PRMT7: variants seen among roughly 807,000 people sequenced by gnomAD.
PRMT7 encodes protein arginine methyltransferase 7, also known as protein arginine N-methyltransferase 7.
In PRMT7, 75 loss-of-function variants were observed where a neutral mutation model predicts 85.4. The ratio of observed to expected loss-of-function variants is 0.88; its 90% confidence interval spans 0.73 to 1.06. The LOEUF (loss-of-function observed/expected upper bound fraction) is 1.06, where lower values mean the gene tolerates loss of function less well. Ranked by LOEUF, PRMT7 falls within the 50% of genes least tolerant of loss-of-function variation. PRMT7 has a pLI of 0.00. For synonymous variants in PRMT7, 397 were observed against 359.5 expected (o/e 1.10, Z -1.18); for missense variants, 868 against 915.2 (o/e 0.95, Z 0.67).
intron 14 of PRMT7, among the ~76,000 whole-genome samples, chr16:68,350,194 C>T (rs144550504): frequency 1.5e-3 from 222 of 152,282 alleles, no homozygotes; most frequent in Admixed American, 4.9e-3. Flanking sequence ...GGATTGTGTC[C>T]AGTTTTTGGC....
rs746941057 is a variant in PRMT7, at chr16:68,355,749, G to A, written c.1677G>A (p.Arg559=). 27 of 1,607,618 alleles carry A rather than the reference G, an allele frequency of 1.7e-5. No individual in the cohort carries two copies. The highest frequency in any genetic ancestry group is 2.0e-5 in the Non-Finnish European group (24 of 1,176,666). The change falls in exon 17 of 19, where the codon AGG becomes AGA. Residue 559 remains arginine, a synonymous_variant. Coordinates refer to ENST00000441236, the MANE Select transcript of PRMT7 (RefSeq NM_019023.5). ...IKRALDFRES[R]EAEPHPLWEY... is the part of the protein sequence containing the mutation. ...GTGCCCTGGACTTCAGGGAGAGCAGGGAAGCTGAGCCCCACCCGCTGTGGG... is the reference window on the plus strand; with the variant it reads ...GTGCCCTGGACTTCAGGGAGAGCAGAGAAGCTGAGCCCCACCCGCTGTGGG...
At chr16:68,311,724 G>A (rs2151270287) in intron 1 of PRMT7, 1 of 152,114 alleles carries the variant, frequency 6.6e-6, no homozygotes, top group Non-Finnish European at 1.5e-5. Flanking sequence ...CTACCTTAGG[G>A]CCTTTTCTTG....
intron 7 of PRMT7, 52 bp from the exon 8 acceptor site, chr16:68,339,270 G>A: frequency 6.2e-7 from 1 of 1,605,596 alleles, no homozygotes; most frequent in Non-Finnish European, 8.5e-7. Flanking sequence ...GGGAATTACT[G>A]TGGGTCTAAG....
In PRMT7 at chr16:68,324,774, CG is replaced by C. The variant is rs1567654073; in HGVS notation, c.227del (p.Gly76AspfsTer5). 1.2e-6 allele frequency: 2 copies of C among 1,614,034 alleles called. No individual in the cohort carries two copies. Among genetic ancestry groups the C allele is most frequent in the Non-Finnish European group, 1.7e-6 (2 of 1,179,984 alleles). ...TTGGTTCTCGACATTGGCACTGGCA[CG>C]GGACTCTTGTCAATGATGGCGGTCA... Reference protein sequence around the residue: ...KALVLDIGTGTGLLSMMAVTA... With the variant: ...KALVLDIGTGXGLLSMMAVTA... On this transcript the variant is annotated frameshift_variant, in exon 5 of 19. Transcript: ENST00000441236. LOFTEE classifies it high-confidence loss of function.
At chr16:68,318,489 G>A (rs1172650664) in intron 3 of PRMT7, among the ~76,000 whole-genome samples, 1 of 152,164 alleles carries the variant, frequency 6.6e-6, no homozygotes, top group Non-Finnish European at 1.5e-5. Flanking sequence ...GTGAGCCACT[G>A]CACCTGCCCA....
rs539593221 is a variant in PRMT7, at chr16:68,358,465, A to T, written c.*1241A>T. Reference sequence around the variant, plus strand: ...TCTTCTAGGGAAGAACCGTCTGGATATATATTTGATAATGTTTTTACCAAA... The same window carrying T: ...TCTTCTAGGGAAGAACCGTCTGGATTTATATTTGATAATGTTTTTACCAAA... On this transcript the variant is annotated 3_prime_UTR_variant, in exon 19 of 19. Coordinates refer to ENST00000441236, the MANE Select transcript of PRMT7 (RefSeq NM_019023.5). The T allele has an allele frequency of 3.3e-5, 5 of 152,694 alleles. No individual in the cohort carries two copies. Among genetic ancestry groups the T allele is most frequent in the Non-Finnish European group, 7.3e-5 (5 of 68,040 alleles). The allele number at this position is 152,694 out of a possible 1,614,324, so 9.5% of individuals were successfully genotyped here. A position where few individuals can be genotyped will look rare whatever the true frequency, so the allele number is the denominator to read the frequency against.
chr16:68,353,477 G>C lies in PRMT7; in HGVS notation c.1576-15G>C, dbSNP rs762821454. The C allele has an allele frequency of 9.9e-6, 16 of 1,609,676 alleles. No individual in the cohort carries two copies. The highest frequency in any genetic ancestry group is 2.7e-5 in the African/African-American group (2 of 74,720). On this transcript the variant is annotated splice_polypyrimidine_tract_variant and intron_variant, in intron 15 of 18. Transcript: ENST00000441236. Reference sequence around the variant, plus strand: ...CTGGCGGGCGGGTGTGGACGGGGCTGCTCCTTCCTCACAGGACCTGTGGCG... The same window carrying C: ...CTGGCGGGCGGGTGTGGACGGGGCTCCTCCTTCCTCACAGGACCTGTGGCG...
chr16:68,336,546 A>G (rs937967209), intron 6 of PRMT7, among the ~76,000 whole-genome samples: 10 of 152,214 alleles, frequency 6.6e-5, no homozygotes, highest in Non-Finnish European at 7.3e-5. Flanking sequence ...CCTGCAACCT[A>G]GAAGTATTTG....
chr16:68,322,370 GTA>G (rs1567646698), intron 4 of PRMT7: 1 of 447,726 alleles, frequency 2.2e-6, no homozygotes, highest in South Asian at 1.6e-5. Flanking sequence ...GCTAATTTTT[GTA>G]TGTTTTGTAG....
At chr16:68,338,276 T>C (rs990624305) in intron 7 of PRMT7, among the ~76,000 whole-genome samples, 1 of 151,628 alleles carries the variant, frequency 6.6e-6, no homozygotes, top group Admixed American at 6.6e-5. Context: ...GTCCCAGGAG[T>C]TGGTGGTCCC....
chr16:68,338,914 C>T (rs1242777421), intron 7 of PRMT7, among the ~76,000 whole-genome samples: 2 of 152,130 alleles, frequency 1.3e-5, no homozygotes, highest in African/African-American at 2.4e-5. Context: ...TGCCCAGCGG[C>T]GCTAGAGGGC....
intron 4 of PRMT7, among the ~76,000 whole-genome samples, chr16:68,322,120 T>C (rs1304239887): frequency 6.6e-6 from 1 of 152,180 alleles, no homozygotes; most frequent in Non-Finnish European, 1.5e-5. Context: ...ATTATTATAC[T>C]ATTATACCTA....
chr16:68,357,143 G>T lies in PRMT7; in HGVS notation c.1998G>T (p.Arg666=), dbSNP rs367813491. 6.2e-7 allele frequency: 1 copy of T among 1,614,032 alleles called. No individual in the cohort carries two copies. The highest frequency in any genetic ancestry group is 8.5e-7 in the Non-Finnish European group (1 of 1,180,024). ...PDPRALLGGP[R]TVSYAVEFHP... is the part of the protein sequence containing the mutation. The stretch of plus-strand genomic sequence containing the variant: ...CCAGAGCACTGCTGGGTGGCCCACG[G>T]ACTGTCAGCTATGCAGTGGAGTTTC... The change falls in exon 19 of 19, where the codon CGG becomes CGT. Residue 666 remains arginine, a synonymous_variant. Transcript: ENST00000441236.
At position 68,345,710 on chromosome 16, in the gene PRMT7, G is replaced by A. The variant is rs2086254260; in HGVS notation, c.963G>A (p.Leu321=). 1.2e-6 allele frequency: 2 copies of A among 1,613,852 alleles called. No individual in the cohort carries two copies. The highest frequency in any genetic ancestry group is 1.7e-6 in the Non-Finnish European group (2 of 1,180,020). ...ACTGGATGCAGTGTGTGTACTTCCTGCCACAAGAGGAGCCTGTGGTGCAGG... is the reference window on the plus strand; with the variant it reads ...ACTGGATGCAGTGTGTGTACTTCCTACCACAAGAGGAGCCTGTGGTGCAGG... The part of the protein sequence containing the change: ...RDHWMQCVYF[L]PQEEPVVQGS... The change falls in exon 10 of 19, where the codon CTG becomes CTA. Residue 321 remains leucine, a synonymous_variant. Coordinates refer to ENST00000441236, the MANE Select transcript of PRMT7 (RefSeq NM_019023.5).
chr16:68,356,504 A>G (rs1458685075), intron 17 of PRMT7, among the ~76,000 whole-genome samples, 197 bp from the exon 18 acceptor site: 3 of 152,224 alleles, frequency 2.0e-5, no homozygotes, highest in Admixed American at 6.5e-5. Flanking sequence ...GGGTTGGCTC[A>G]GGTGGGGGCT....
At chr16:68,318,035 T>A (rs545934083) in intron 3 of PRMT7, among the ~76,000 whole-genome samples, 1 of 152,144 alleles carries the variant, frequency 6.6e-6, no homozygotes, top group Admixed American at 6.6e-5. Flanking sequence ...GCCACTTCTT[T>A]ACTCTCTTGG....
intron 14 of PRMT7, chr16:68,351,621 C>T (rs2087368808): frequency 6.5e-6 from 1 of 152,778 alleles, no homozygotes; most frequent in African/African-American, 2.4e-5. Flanking sequence ...GCCTTGCTGT[C>T]TCCCGGCCTC....
At chr16:68,347,730 G>T (rs770011499) in intron 13 of PRMT7, 52 bp downstream of exon 13, 76 of 1,564,048 alleles carry the variant, frequency 4.9e-5, no homozygotes, top group Middle Eastern at 3.8e-4. Flanking sequence ...TGGGGTCTGG[G>T]TTGATGGCTT....
intron 5 of PRMT7, among the ~76,000 whole-genome samples, chr16:68,328,724 C>T (rs2083441469): frequency 6.6e-6 from 1 of 152,078 alleles, no homozygotes. Flanking sequence ...GTCTGCTCTC[C>T]TCTGGAGGGC....
Sources: allele counts gnomAD v4.1 joint callset (sites outside exome capture counted in the v4.1 genomes callset), GRCh38; gene constraint gnomAD v4.1.1; transcripts MANE v1.5; gene names NCBI Gene and HGNC (gene_info 2026-07-23, HGNC 2026-07-21).